Variants in GNG12 observed in about 807,000 individuals in gnomAD.
GNG12 encodes G protein subunit gamma 12.
For synonymous variants in GNG12, 28 were observed against 29.7 expected, an observed-to-expected ratio of 0.94 and a Z score of 0.19; for missense variants, 69 against 83.8, an observed-to-expected ratio of 0.82 and a Z score of 0.69.
At chr1:67,747,230 C>T (rs1397704284) in intron 2 of GNG12, among the ~76,000 whole-genome samples, 1 of 152,200 alleles carries the variant, frequency 6.6e-6, no homozygotes, top group Non-Finnish European at 1.5e-5. Flanking sequence ...AGTGATTGTC[C>T]TGCCTCAATC....
intron 1 of GNG12, among the ~76,000 whole-genome samples, chr1:67,828,537 C>T (rs953845608): frequency 2.6e-5 from 4 of 152,160 alleles, no homozygotes; most frequent in Non-Finnish European, 5.9e-5. Context: ...AGACTGTATA[C>T]GGGAAGAGTT....
intron 2 of GNG12, among the ~76,000 whole-genome samples, chr1:67,731,129 C>T (rs1330853837): frequency 6.6e-6 from 1 of 152,058 alleles, no homozygotes; most frequent in Non-Finnish European, 1.5e-5. Context: ...CCCAGAAAGC[C>T]CTCCCCTCTC....
chr1:67,725,403 T>G (rs1278510400), intron 2 of GNG12, among the ~76,000 whole-genome samples: 1 of 152,218 alleles, frequency 6.6e-6, no homozygotes, highest in Admixed American at 6.5e-5. Flanking sequence ...TGTCTGTACT[T>G]TGAAAAAGGT....
At chr1:67,752,198 C>G (rs915985971) in intron 2 of GNG12, among the ~76,000 whole-genome samples, 3 of 152,150 alleles carry the variant, frequency 2.0e-5, no homozygotes, top group African/African-American at 7.2e-5. Flanking sequence ...CTTCACTCTC[C>G]CACCACTGGG....
intron 2 of GNG12, among the ~76,000 whole-genome samples, chr1:67,742,083 A>G (rs1007167005): frequency 6.6e-6 from 1 of 152,218 alleles, no homozygotes; most frequent in African/African-American, 2.4e-5. Flanking sequence ...CAAAACCTTT[A>G]AAGTGCTGAG....
chr1:67,772,078 C>T (rs531091177), intron 2 of GNG12, among the ~76,000 whole-genome samples: 24 of 152,140 alleles, frequency 1.6e-4, no homozygotes, highest in Middle Eastern at 6.8e-3. Context: ...TCTGAAGCAA[C>T]GGTTTTTAAG....
chr1:67,817,934 A>G (rs12123853), intron 1 of GNG12, among the ~76,000 whole-genome samples: 49,409 of 151,466 alleles, frequency 0.33, 8,295 homozygotes, highest in Middle Eastern at 0.5. Flanking sequence ...CTACAGGCAC[A>G]TACCACTGCA....
chr1:67,819,354 T>A (rs552751157), intron 1 of GNG12, among the ~76,000 whole-genome samples: 1 of 152,308 alleles, frequency 6.6e-6, no homozygotes, highest in South Asian at 2.1e-4. Flanking sequence ...TTGAAGAGCC[T>A]GAGACAATCT....
chr1:67,791,855 C>T (rs1646803405), intron 1 of GNG12, among the ~76,000 whole-genome samples: 1 of 152,166 alleles, frequency 6.6e-6, no homozygotes, highest in African/African-American at 2.4e-5. Context: ...ATACTTAACA[C>T]ACTTACTCAC....
intron 2 of GNG12, among the ~76,000 whole-genome samples, chr1:67,745,072 G>C (rs1020407510): frequency 3.3e-5 from 5 of 152,204 alleles, no homozygotes; most frequent in African/African-American, 1.2e-4. Context: ...GAATGTATTA[G>C]TATTTGTAAA....
chr1:67,710,180 TTATATATATAGTTA>T (rs59754102), intron 2 of GNG12, among the ~76,000 whole-genome samples: 2 of 24,484 alleles, frequency 8.2e-5, no homozygotes, highest in African/African-American at 3.8e-4. Flanking sequence ...ATATATATAG[TTATATATATAGTTA>T]TATATATATA....
At chr1:67,809,526 C>G (rs1479744397) in intron 1 of GNG12, among the ~76,000 whole-genome samples, 1 of 152,108 alleles carries the variant, frequency 6.6e-6, no homozygotes, top group Non-Finnish European at 1.5e-5. Flanking sequence ...TTGCAGAAGA[C>G]ACTTCTGATA....
intron 2 of GNG12, among the ~76,000 whole-genome samples, chr1:67,723,021 T>C (rs766550961): frequency 6.6e-6 from 1 of 152,206 alleles, no homozygotes; most frequent in Non-Finnish European, 1.5e-5. Context: ...AGGCAGCACA[T>C]AGAAACCACC....
intron 2 of GNG12, among the ~76,000 whole-genome samples, chr1:67,729,873 C>T (rs1646408998): frequency 6.6e-6 from 1 of 152,182 alleles, no homozygotes; most frequent in Non-Finnish European, 1.5e-5. Flanking sequence ...ATGTATCTTC[C>T]TAAAATTCAG....
At chr1:67,796,403 C>A (rs959033888) in intron 1 of GNG12, among the ~76,000 whole-genome samples, 2 of 152,086 alleles carry the variant, frequency 1.3e-5, no homozygotes, top group African/African-American at 4.8e-5. Context: ...TTTTAGCTAA[C>A]TCTGGTTCGT....
Position 67,709,900 on chromosome 1 carries a change from AT to A in GNG12, c.-26-2189del, listed in dbSNP as rs565013095. On this transcript the variant is annotated intron_variant, in intron 2 of 3. Transcript: ENST00000370982. ...TATTTATATATATAGTTATATATAT[AT>A]TTTTATATAGTTATATATATAGTTA... Among the ~76,000 whole-genome samples, 395 of 105,678 alleles carry A rather than the reference AT, an allele frequency of 3.7e-3. 16 individuals carry two copies. The highest frequency in any genetic ancestry group is 0.016 in the African/African-American group (379 of 23,200). 69.3% of individuals were successfully genotyped at this position (105,678 alleles called of 152,430 possible).
At chr1:67,756,258 A>C (rs115569240) in intron 2 of GNG12, among the ~76,000 whole-genome samples, 1,854 of 152,320 alleles carry the variant, frequency 0.012, 32 homozygotes, top group African/African-American at 0.043. Flanking sequence ...ATCATACAGG[A>C]AGGGACCAAA....
At position 67,786,935 on chromosome 1, in the gene GNG12, A is replaced by ATATGTG. The variant is rs1332684243; in HGVS notation, c.-76-9429_-76-9428insCACATA. 4.3e-3 allele frequency among the ~76,000 whole-genome samples: 577 copies of ATATGTG among 133,304 alleles called. 1 individual carries two copies. The highest frequency in any genetic ancestry group is 6.1e-3 in the Non-Finnish European group (387 of 63,612). 87.5% of individuals were successfully genotyped at this position (133,304 alleles called of 152,430 possible). A position where few individuals can be genotyped will look rare whatever the true frequency, so the allele number is the denominator to read the frequency against. ...CTAGGTAACAGAGACTTATATATAT[A>ATATGTG]TGTGTGTGTGTGTGTGTGTGTGTGT... is the stretch of plus-strand genomic sequence containing the variant. On this transcript the variant is annotated intron_variant, in intron 1 of 3. Transcript: ENST00000370982.
intron 2 of GNG12, among the ~76,000 whole-genome samples, chr1:67,742,665 A>G (rs1646489206): frequency 6.6e-6 from 1 of 152,222 alleles, no homozygotes; most frequent in Non-Finnish European, 1.5e-5. Context: ...AAGAGAAAGA[A>G]ATATTTTTAT....
Sources: allele counts gnomAD v4.1 joint callset (sites outside exome capture counted in the v4.1 genomes callset), GRCh38; gene constraint gnomAD v4.1.1; transcripts MANE v1.5; gene names NCBI Gene and HGNC (gene_info 2026-07-23, HGNC 2026-07-21).